The following SPOCK1 variants were observed in gnomAD, a reference collection of about 807,000 sequenced individuals.
SPOCK1 encodes the protein testican-1.
SPOCK1 carries 23 observed loss-of-function variants against 55.3 expected under a neutral mutation model. The observed-to-expected ratio is 0.42, with a 90% confidence interval of 0.30 to 0.59. The LOEUF (loss-of-function observed/expected upper bound fraction) is 0.59. Among genes scored for constraint, SPOCK1 ranks in the 20% least tolerant of loss-of-function variants. SPOCK1 has a pLI of 0.22. For missense variants in SPOCK1, 499 were observed against 552.5 expected, an observed-to-expected ratio of 0.90 and a Z score of 0.97; for synonymous variants, 226 against 221.0, an observed-to-expected ratio of 1.02 and a Z score of -0.20.
At chr5:137,324,064 G>A (rs1000753885) in intron 2 of SPOCK1, among the ~76,000 whole-genome samples, 1 of 152,058 alleles carries the variant, frequency 6.6e-6, no homozygotes, top group Non-Finnish European at 1.5e-5. Context: ...CCAAGAGGTG[G>A]AAACCACACA....
intron 4 of SPOCK1, among the ~76,000 whole-genome samples, chr5:137,132,696 C>T (rs1280040203): frequency 2.0e-5 from 3 of 152,186 alleles, no homozygotes; most frequent in Non-Finnish European, 4.4e-5. Context: ...TTCTCCATCT[C>T]CTACAGATAA....
chr5:137,432,140 T>G (rs1044620920), intron 2 of SPOCK1, among the ~76,000 whole-genome samples: 2 of 152,142 alleles, frequency 1.3e-5, no homozygotes, highest in Non-Finnish European at 2.9e-5. Flanking sequence ...ATGGAAAAAT[T>G]GTGCACCACT....
intron 6 of SPOCK1, among the ~76,000 whole-genome samples, chr5:137,010,479 A>G (rs985970010): frequency 4.6e-5 from 7 of 152,002 alleles, no homozygotes; most frequent in Non-Finnish European, 1.5e-5. Flanking sequence ...TGTAGCACAG[A>G]TAAAAAGACA....
intron 2 of SPOCK1, among the ~76,000 whole-genome samples, chr5:137,389,750 C>T (rs1751676219): frequency 1.3e-5 from 2 of 152,188 alleles, no homozygotes; most frequent in South Asian, 4.1e-4. Flanking sequence ...GAAGAAAAAC[C>T]AGTTGGCCAC....
At chr5:137,455,119 C>G (rs1753335679) in intron 2 of SPOCK1, among the ~76,000 whole-genome samples, 1 of 152,200 alleles carries the variant, frequency 6.6e-6, no homozygotes, top group South Asian at 2.1e-4. Flanking sequence ...AATGGTGCCA[C>G]ATTTTGAGGC....
chr5:137,294,739 T>C (rs1393716074), intron 2 of SPOCK1, among the ~76,000 whole-genome samples: 1 of 152,222 alleles, frequency 6.6e-6, no homozygotes, highest in African/African-American at 2.4e-5. Context: ...CCCCTCTGGT[T>C]CACTCTGCTC....
At chr5:137,153,594 C>T (rs1203507413) in intron 3 of SPOCK1, among the ~76,000 whole-genome samples, 1 of 152,132 alleles carries the variant, frequency 6.6e-6, no homozygotes, top group African/African-American at 2.4e-5. Context: ...TGGCTCATAC[C>T]TGTAATCCCA....
At chr5:137,084,566 T>C (rs920156898) in intron 5 of SPOCK1, among the ~76,000 whole-genome samples, 2 of 151,942 alleles carry the variant, frequency 1.3e-5, no homozygotes, top group Non-Finnish European at 2.9e-5. Flanking sequence ...GGGAAACCCC[T>C]ATTAGAGAGG....
At chr5:137,231,690 C>G (rs1185039871) in intron 3 of SPOCK1, among the ~76,000 whole-genome samples, 1 of 152,204 alleles carries the variant, frequency 6.6e-6, no homozygotes, top group African/African-American at 2.4e-5. Flanking sequence ...AATAAAGCTG[C>G]TAATAAACAC....
intron 3 of SPOCK1, among the ~76,000 whole-genome samples, chr5:137,224,634 G>C (rs1198382439): frequency 6.6e-6 from 1 of 152,172 alleles, no homozygotes; most frequent in Non-Finnish European, 1.5e-5. Context: ...TGACTCTATT[G>C]AGCTTAATAA....
intron 3 of SPOCK1, among the ~76,000 whole-genome samples, chr5:137,162,952 T>G (rs746663195): frequency 2.0e-5 from 3 of 152,122 alleles, no homozygotes; most frequent in Non-Finnish European, 4.4e-5. Flanking sequence ...GTGACGCTAT[T>G]TGGGAATGGA....
At chr5:137,081,302 C>T (rs765979505) in intron 5 of SPOCK1, among the ~76,000 whole-genome samples, 24 of 152,140 alleles carry the variant, frequency 1.6e-4, no homozygotes, top group African/African-American at 3.9e-4. Flanking sequence ...GAAATGCAGA[C>T]GGAGAAAGAA....
intron 4 of SPOCK1, among the ~76,000 whole-genome samples, chr5:137,129,616 A>G (rs1025240582): frequency 2.6e-5 from 4 of 152,174 alleles, no homozygotes; most frequent in Non-Finnish European, 5.9e-5. Flanking sequence ...TAGGGGCCAC[A>G]GGACTGGTTG....
At chr5:137,485,759 G>GAA (rs146681661) in intron 2 of SPOCK1, among the ~76,000 whole-genome samples, 2 of 150,646 alleles carry the variant, frequency 1.3e-5, no homozygotes, top group African/African-American at 4.9e-5. Flanking sequence ...ATTTAATGTT[G>GAA]AAAAAAAAAG....
chr5:137,131,957 G>A (rs1222092292), intron 4 of SPOCK1, among the ~76,000 whole-genome samples: 26 of 63,830 alleles, frequency 4.1e-4, no homozygotes, highest in Middle Eastern at 0.013. Flanking sequence ...GGGCGACAGA[G>A]CGAGACTCCG....
chr5:137,252,177 C>T (rs906092879), intron 3 of SPOCK1, among the ~76,000 whole-genome samples: 6 of 152,180 alleles, frequency 3.9e-5, no homozygotes, highest in Non-Finnish European at 8.8e-5. Context: ...CCACCCGCCT[C>T]GGCCTCCCAA....
At chr5:137,042,231 A>G (rs549626907) in intron 6 of SPOCK1, among the ~76,000 whole-genome samples, 1 of 152,358 alleles carries the variant, frequency 6.6e-6, no homozygotes, top group Admixed American at 6.5e-5. Flanking sequence ...AGTTCCATTT[A>G]TATGACATTC....
intron 3 of SPOCK1, among the ~76,000 whole-genome samples, chr5:137,253,954 T>C (rs2916633): frequency 0.067 from 10,279 of 152,298 alleles, 1,060 homozygotes; most frequent in African/African-American, 0.23. Flanking sequence ...TCATAAAGCA[T>C]TCGAAACCAT....
chr5:137,092,943 G>A (rs1308103939), intron 5 of SPOCK1, among the ~76,000 whole-genome samples: 1 of 152,160 alleles, frequency 6.6e-6, no homozygotes, highest in African/African-American at 2.4e-5. Flanking sequence ...GGTATCGCAT[G>A]GCCAAGGGCC....
Sources: allele counts gnomAD v4.1 joint callset (sites outside exome capture counted in the v4.1 genomes callset), GRCh38; gene constraint gnomAD v4.1.1; transcripts MANE v1.5; gene names NCBI Gene and HGNC (gene_info 2026-07-23, HGNC 2026-07-21).